Variants in CACNA1C observed in about 807,000 individuals in gnomAD.
CACNA1C encodes voltage-dependent L-type calcium channel subunit alpha-1C.
CACNA1C carries 30 observed loss-of-function variants against 229.0 expected under a neutral mutation model. The ratio of observed to expected loss-of-function variants is 0.13; its 90% confidence interval spans 0.10 to 0.18. The LOEUF (loss-of-function observed/expected upper bound fraction) is 0.18. CACNA1C is among the 10% of genes least tolerant of loss of function. The probability of loss-of-function intolerance (pLI) is 1.00; values close to 1 mark genes in which losing one functional copy is unlikely to be tolerated. For synonymous variants in CACNA1C, 1,114 were observed against 1,132.5 expected, an observed-to-expected ratio of 0.98 and a Z score of 0.33; for missense variants, 1,658 against 2,845.0, an observed-to-expected ratio of 0.58 and a Z score of 9.49.
intron 11 of CACNA1C, among the ~76,000 whole-genome samples, chr12:2,558,148 G>C (rs1224664746): frequency 1.3e-5 from 2 of 152,302 alleles, no homozygotes; most frequent in African/African-American, 4.8e-5. Context: ...CTCTCTCCCA[G>C]CTCCTCTCTT....
Position 2,597,546 on chromosome 12 carries a change from T to G in CACNA1C, c.2853+257T>G, listed in dbSNP as rs2068952759. On this transcript the variant is annotated intron_variant, in intron 21 of 46. Coordinates refer to ENST00000399655, the MANE Select transcript of CACNA1C (RefSeq NM_000719.7). The surrounding 1 kb of genome is among the most constrained non-coding windows in gnomAD (Gnocchi z 4.3). ...CTCTGTCGCTTTCTTTGTCTATCTC[T>G]GCTCTGTGTGGCTGGATCTTTTGTC... is the stretch of plus-strand genomic sequence containing the variant. The G allele has an allele frequency of 5.3e-6, 6 of 1,128,940 alleles. No homozygotes were observed. Among genetic ancestry groups the G allele is most frequent in the South Asian group, 1.2e-5 (1 of 80,970 alleles). The allele number at this position is 1,128,940 out of a possible 1,614,324, so 69.9% of individuals were successfully genotyped here.
At chr12:2,623,447 T>C (rs1285324585) in intron 29 of CACNA1C, among the ~76,000 whole-genome samples, 1 of 152,060 alleles carries the variant, frequency 6.6e-6, no homozygotes, top group Non-Finnish European at 1.5e-5. Flanking sequence ...CTCTCACCTT[T>C]TCCGTGTAAT....
rs2094970017 is a variant in CACNA1C, at chr12:2,651,517, T to C, written c.3946-123T>C. The C allele has an allele frequency of 6.8e-7, 1 of 1,461,668 alleles. No individual in the cohort carries two copies. Among genetic ancestry groups the C allele is most frequent in the African/African-American group, 1.4e-5 (1 of 71,964 alleles). The allele number at this position is 1,461,668 out of a possible 1,614,324, so 90.5% of individuals were successfully genotyped here. On this transcript the variant is annotated intron_variant, in intron 31 of 46. Coordinates refer to ENST00000399655, the MANE Select transcript of CACNA1C (RefSeq NM_000719.7). The surrounding 1 kb of genome is among the most constrained non-coding windows in gnomAD (Gnocchi z 5.4). ...CCTCCCATCGGAGGGGGAAGTCTAG[T>C]GCAGCAAACCCTGGCCTGCCTTCCG...
intron 3 of CACNA1C, among the ~76,000 whole-genome samples, chr12:2,395,362 G>A (rs140850959): frequency 8.5e-5 from 13 of 152,234 alleles, no homozygotes; most frequent in African/African-American, 3.1e-4. Flanking sequence ...GGAAACACAG[G>A]TGTGCACCAC....
chr12:2,142,310 C>G (rs2094310143), intron 3 of CACNA1C, among the ~76,000 whole-genome samples: 1 of 151,028 alleles, frequency 6.6e-6, no homozygotes, highest in Admixed American at 6.7e-5. Context: ...TTTCTGCCGT[C>G]GTAATGGTGC....
At chr12:2,407,360 C>T (rs2098750256) in intron 3 of CACNA1C, among the ~76,000 whole-genome samples, 1 of 99,468 alleles carries the variant, frequency 1.0e-5, no homozygotes, top group African/African-American at 3.5e-5. Context: ...GTGCAGTGGA[C>T]ATCGTCTCCA....
intron 3 of CACNA1C, among the ~76,000 whole-genome samples, chr12:2,448,453 G>A (rs565055460): frequency 7.2e-4 from 110 of 152,256 alleles, no homozygotes; most frequent in African/African-American, 2.2e-3. Context: ...GATCTTCACC[G>A]TCTCCATTTC....
At chr12:2,641,700 A>G (rs914652828) in intron 30 of CACNA1C, 1 of 702,354 alleles carries the variant, frequency 1.4e-6, no homozygotes, top group African/African-American at 1.7e-5. Flanking sequence ...CTAATAGATC[A>G]TTGTACCTTG....
In CACNA1C at chr12:2,651,115, C is replaced by G. The variant is rs1398054697; in HGVS notation, c.3946-525C>G. The G allele has an allele frequency of 1.3e-5, 2 of 155,078 alleles. No individual in the cohort carries two copies. The highest frequency in any genetic ancestry group is 4.8e-5 in the African/African-American group (2 of 41,558). 9.6% of individuals were successfully genotyped at this position (155,078 alleles called of 1,614,324 possible). Reference sequence around the variant, plus strand: ...GGGCATGAGGTCCTTCAGGGGGCAGCCCACCAGGACCCCCAAATCCACGCA... The same window carrying G: ...GGGCATGAGGTCCTTCAGGGGGCAGGCCACCAGGACCCCCAAATCCACGCA... On this transcript the variant is annotated intron_variant, in intron 31 of 46. Transcript: ENST00000399655. This position sits in a 1 kb window ranked among gnomAD's most constrained non-coding sequence, Gnocchi z 5.4.
chr12:2,260,475 T>TAAAAAA, intron 3 of CACNA1C, among the ~76,000 whole-genome samples: 1 of 100,938 alleles, frequency 9.9e-6, no homozygotes, highest in African/African-American at 3.6e-5. Flanking sequence ...CTGTCTCTAT[T>TAAAAAA]AAAAAAAAAA....
rs1206714435 is a variant in CACNA1C at position 2,135,908 on chromosome 12, C to G, written c.477+15478C>G. On this transcript the variant is annotated intron_variant, in intron 3 of 46. Transcript: ENST00000399655. ...ATGGCGGGCGCCCCTCCCCCAGCCT[C>G]GCTGCCGCCTTGCAGTTTGATCTCA... is the stretch of plus-strand genomic sequence containing the variant. Among the ~76,000 whole-genome samples, 58 of 149,166 alleles carry G rather than the reference C, an allele frequency of 3.9e-4. 1 individual carries two copies. The highest frequency in any genetic ancestry group is 3.4e-3 in the Middle Eastern group (1 of 294).
At chr12:2,440,351 C>A (rs1265591709) in intron 3 of CACNA1C, among the ~76,000 whole-genome samples, 1 of 152,182 alleles carries the variant, frequency 6.6e-6, no homozygotes, top group Non-Finnish European at 1.5e-5. Flanking sequence ...TACTCTAGAT[C>A]TTTCATGTAA....
At chr12:2,593,097 G>T (rs2066244134) in intron 18 of CACNA1C, 116 bp from the exon 19 acceptor site, 1 of 1,177,340 alleles carries the variant, frequency 8.5e-7, no homozygotes. Context: ...GTCTGTCTTG[G>T]TTGGTACCCT....
At chr12:2,110,899 A>G (rs993170596) in intron 1 of CACNA1C, among the ~76,000 whole-genome samples, 18 of 128,108 alleles carry the variant, frequency 1.4e-4, no homozygotes, top group Non-Finnish European at 5.2e-5. Context: ...GGAGAAGGGG[A>G]GGCCCAGGCC....
At chr12:2,347,232 G>T (rs997420187) in intron 3 of CACNA1C, among the ~76,000 whole-genome samples, 11 of 152,110 alleles carry the variant, frequency 7.2e-5, no homozygotes, top group Non-Finnish European at 1.6e-4. Context: ...ACCTCCCCAC[G>T]AACACTGCAC....
intron 3 of CACNA1C, among the ~76,000 whole-genome samples, chr12:2,375,780 A>G (rs2154543335): frequency 6.6e-6 from 1 of 152,350 alleles, no homozygotes; most frequent in East Asian, 1.9e-4. Flanking sequence ...CAGTGTTGAT[A>G]TAATCCATGG....
At chr12:2,184,076 C>T (rs1452198546) in intron 3 of CACNA1C, among the ~76,000 whole-genome samples, 3 of 152,174 alleles carry the variant, frequency 2.0e-5, no homozygotes, top group Admixed American at 6.5e-5. Context: ...CTCTTTTCTC[C>T]ATCCCATCCC....
At chr12:2,541,493 G>A (rs749481420) in intron 9 of CACNA1C, among the ~76,000 whole-genome samples, 5 of 152,200 alleles carry the variant, frequency 3.3e-5, no homozygotes, top group Non-Finnish European at 7.3e-5. Flanking sequence ...GATCCCAGCA[G>A]ACTGGTGACC....
intron 3 of CACNA1C, among the ~76,000 whole-genome samples, chr12:2,151,378 G>C (rs546905099): frequency 2.0e-5 from 3 of 148,048 alleles, no homozygotes; most frequent in Non-Finnish European, 4.4e-5. Flanking sequence ...AAAAAAAAAA[G>C]GGATTTGAGA....
Sources: allele counts gnomAD v4.1 joint callset (sites outside exome capture counted in the v4.1 genomes callset), GRCh38; gene constraint gnomAD v4.1.1; non-coding constraint Gnocchi (gnomAD v3.1); transcripts MANE v1.5; gene names NCBI Gene and HGNC (gene_info 2026-07-23, HGNC 2026-07-21).